Variants in RABEPK observed in about 807,000 individuals in gnomAD.
The protein encoded by RABEPK is 40 kDa Rab9 effector protein.
RABEPK carries 27 observed loss-of-function variants against 34.1 expected under a neutral mutation model. That is an observed-to-expected ratio of 0.79 (90% confidence interval 0.58 to 1.09). RABEPK has a LOEUF of 1.09. Ranked by LOEUF, RABEPK falls within the 50% of genes least tolerant of loss-of-function variation. The pLI is 0.00. For missense variants in RABEPK, 449 were observed against 462.6 expected (o/e 0.97, Z 0.27); for synonymous variants, 172 against 169.2 (o/e 1.02, Z -0.13).
At chr9:125,227,857 G>T in intron 5 of RABEPK, 53 bp from the exon 6 acceptor site, 1 of 1,479,108 alleles carries the variant, frequency 6.8e-7, no homozygotes, top group Middle Eastern at 1.8e-4. Flanking sequence ...CCTGTTTCTC[G>T]TGTTCTTTTT....
chr9:125,224,853 A>G (rs1831624060), intron 5 of RABEPK, among the ~76,000 whole-genome samples: 1 of 152,172 alleles, frequency 6.6e-6, no homozygotes, highest in Non-Finnish European at 1.5e-5. Context: ...ACCTGGTTTC[A>G]GCTCCAAATC....
chr9:125,206,016 C>A (rs1232484998), intron 2 of RABEPK, among the ~76,000 whole-genome samples: 2 of 152,036 alleles, frequency 1.3e-5, no homozygotes, highest in Non-Finnish European at 2.9e-5. Context: ...AAAGGACAAC[C>A]AGAAAAGTGA....
rs190343459 is a variant in RABEPK at position 125,232,411 on chromosome 9, G to T, written c.677-185G>T. On this transcript the variant is annotated intron_variant, in intron 6 of 7. Transcript: ENST00000373538. ...TCTGGGAATCACTGAGCCCCTCCCT[G>T]CCTTCCTCCCTGGACTACCCAATCA... is the stretch of plus-strand genomic sequence containing the variant. Among the ~76,000 whole-genome samples, 25 of 152,278 alleles carry T rather than the reference G, an allele frequency of 1.6e-4. No homozygotes were observed. The East Asian group carries it at 4.8e-3, about 29-fold the overall frequency.
At chr9:125,222,113 A>G (rs1457743091) in intron 5 of RABEPK, 1 of 151,904 alleles carries the variant, frequency 6.6e-6, no homozygotes, top group East Asian at 1.9e-4. Context: ...TTTACCTTGC[A>G]AAGTAAAATT....
intron 3 of RABEPK, among the ~76,000 whole-genome samples, chr9:125,210,143 C>T (rs1416545921): frequency 1.3e-5 from 2 of 152,224 alleles, no homozygotes; most frequent in Non-Finnish European, 2.9e-5. Context: ...GTGGCTCACG[C>T]CTCTAATCCC....
intron 7 of RABEPK, among the ~76,000 whole-genome samples, chr9:125,233,326 ATTGT>A (rs1191195582): frequency 3.2e-5 from 4 of 123,588 alleles, no homozygotes; most frequent in African/African-American, 6.8e-5. Context: ...CTATCTGGAA[ATTGT>A]TTTTTTTTTT....
intron 4 of RABEPK, among the ~76,000 whole-genome samples, chr9:125,217,789 C>T (rs1249114071): frequency 2.0e-5 from 3 of 152,058 alleles, no homozygotes; most frequent in Admixed American, 6.6e-5. Context: ...GACATGTATA[C>T]CTTTCTAGCT....
At chr9:125,205,786 C>T (rs2131369536) in intron 2 of RABEPK, among the ~76,000 whole-genome samples, 1 of 152,254 alleles carries the variant, frequency 6.6e-6, no homozygotes, top group South Asian at 2.1e-4. Context: ...CTGCGCCCGG[C>T]CCTCAAAGGG....
chr9:125,215,788 T>A (rs1409518774), intron 4 of RABEPK, among the ~76,000 whole-genome samples: 1 of 152,202 alleles, frequency 6.6e-6, no homozygotes, highest in Non-Finnish European at 1.5e-5. Context: ...TTTCTTAGGG[T>A]TCCTGCCAAG....
At chr9:125,200,965 C>G (rs1829869276) in intron 1 of RABEPK, 59 bp downstream of exon 1, 1 of 412,366 alleles carries the variant, frequency 2.4e-6, no homozygotes, top group Non-Finnish European at 5.0e-6. Context: ...TAGCCACTCC[C>G]CCACTTCTAC....
At chr9:125,207,515 T>C (rs2131372732) in intron 2 of RABEPK, 49 bp from the exon 3 acceptor site, 1 of 1,562,268 alleles carries the variant, frequency 6.4e-7, no homozygotes, top group Admixed American at 1.7e-5. Context: ...AGCACACTAC[T>C]GCATTTATTC....
In RABEPK at chr9:125,228,041, C is replaced by G. The variant is rs765319261; in HGVS notation, c.658C>G (p.Leu220Val). 1 of 1,598,416 alleles carries G rather than the reference C, an allele frequency of 6.3e-7. No homozygotes were observed. Among genetic ancestry groups the G allele is most frequent in the East Asian group, 2.3e-5 (1 of 43,952 alleles). Residue 220 changes from leucine (L) to valine (V), a missense_variant, in exon 6 of 8, where the codon CTC becomes GTC. Transcript: ENST00000373538. ...GGCGGGGGACAGATTCTATGATGAC[C>G]TCCACTGCATTGATATAAGTAAGCA... ...GLAGDRFYDDLHCIDISDMKW... is the reference protein window; with the variant it reads ...GLAGDRFYDDVHCIDISDMKW...
chr9:125,210,683 G>C (rs1407372685), intron 3 of RABEPK, among the ~76,000 whole-genome samples: 2 of 146,464 alleles, frequency 1.4e-5, no homozygotes, highest in Admixed American at 1.4e-4. Context: ...ACTCCAGTCT[G>C]GCAACAGAGC....
rs866371194 is a variant in RABEPK, at chr9:125,204,470, C to G, written c.53+1404C>G. ...GGTGGTGCATGCCTGTAATCCTGGC[C>G]ACTCGGGAGGCTGAGGCAGGACAAT... On this transcript the variant is annotated intron_variant, in intron 2 of 7. Coordinates refer to ENST00000373538, the MANE Select transcript of RABEPK (RefSeq NM_005833.4). Among the ~76,000 whole-genome samples, 25 of 151,908 alleles carry G rather than the reference C, an allele frequency of 1.6e-4. 1 individual carries two copies. In the Middle Eastern group the frequency reaches 0.02, roughly 124 times the overall value.
rs78931910 is a variant in RABEPK, at chr9:125,205,488, T to A, written c.54-2076T>A. On this transcript the variant is annotated intron_variant, in intron 2 of 7. Transcript: ENST00000373538. ...GGTAACAGCTGTTATCCTCAAAGCG[T>A]TTTTTTAGTTTTTGTTTGTCTTTGA... Among the ~76,000 whole-genome samples, 1,493 of 152,168 alleles carry A rather than the reference T, an allele frequency of 9.8e-3. 23 individuals carry two copies. Among genetic ancestry groups the A allele is most frequent in the African/African-American group, 0.034 (1,409 of 41,512 alleles).
chr9:125,227,154 G>A (rs1212361706), intron 5 of RABEPK, among the ~76,000 whole-genome samples: 1 of 151,882 alleles, frequency 6.6e-6, no homozygotes, highest in South Asian at 2.1e-4. Flanking sequence ...TGGGCGACAA[G>A]ACCGAAACTT....
chr9:125,209,167 TCTC>T (rs1293239746), intron 3 of RABEPK, among the ~76,000 whole-genome samples: 1 of 150,462 alleles, frequency 6.6e-6, no homozygotes, highest in Non-Finnish European at 1.5e-5. Context: ...TTCAAGCAAT[TCTC>T]CTGCCTCAGC....
Position 125,213,444 on chromosome 9 carries a change from T to G in RABEPK, c.286T>G (p.Cys96Gly), listed in dbSNP as rs1238115034. 5 of 1,614,138 alleles carry G rather than the reference T, an allele frequency of 3.1e-6. No homozygotes were observed. The highest frequency in any genetic ancestry group is 4.2e-6 in the Non-Finnish European group (5 of 1,179,996). ...RYEHASFIPS[C>G]TPDRIWVFGG... The stretch of plus-strand genomic sequence containing the variant: ...TGAACATGCTAGCTTCATTCCCTCC[T>G]GCACACCTGACCGTATCTGGGTATT... The change falls in exon 4 of 8, where the codon TGC becomes GGC. Residue 96 changes from cysteine (C) to glycine (G), a missense_variant. Coordinates refer to ENST00000373538, the MANE Select transcript of RABEPK (RefSeq NM_005833.4).
Position 125,207,713 on chromosome 9 carries a change from T to A in RABEPK, c.203T>A (p.Met68Lys). The A allele has an allele frequency of 6.2e-7, 1 of 1,614,108 alleles. No individual in the cohort carries two copies. Among genetic ancestry groups the A allele is most frequent in the Non-Finnish European group, 8.5e-7 (1 of 1,179,964 alleles). ...AGAAGCTTCTCAGACGTGCACACCA[T>A]GGATCTGGGTAAGATCAGCAGCTGC... ...PNRSFSDVHT[M>K]DLGKHQWDLD... is the part of the protein sequence containing the mutation. Residue 68 changes from methionine (M) to lysine (K), a missense_variant, in exon 3 of 8, where the codon ATG becomes AAG. Coordinates refer to ENST00000373538, the MANE Select transcript of RABEPK (RefSeq NM_005833.4).
Sources: gnomAD v4.1 joint callset for allele counts (sites outside exome capture counted in the v4.1 genomes callset) on GRCh38, gnomAD v4.1.1 for gene constraint, MANE v1.5 for transcripts, NCBI Gene and HGNC (gene_info 2026-07-23, HGNC 2026-07-21) for gene names.